INPP4B: variants seen among roughly 807,000 people sequenced by gnomAD.
INPP4B encodes inositol polyphosphate 4-phosphatase type II.
In INPP4B, 55 loss-of-function variants were observed where a neutral mutation model predicts 122.5. The observed-to-expected ratio is 0.45, with a 90% confidence interval of 0.36 to 0.56. INPP4B has a LOEUF of 0.56. INPP4B is among the 20% of genes least tolerant of loss of function. The probability of loss-of-function intolerance (pLI) is 0.00; values close to 1 mark genes in which losing one functional copy is unlikely to be tolerated. For synonymous variants in INPP4B, 403 were observed against 388.7 expected (o/e 1.04, Z -0.43); for missense variants, 1,000 against 1,097.7 (o/e 0.91, Z 1.26).
At chr4:142,824,507 A>G (rs1781213037) in intron 1 of INPP4B, among the ~76,000 whole-genome samples, 1 of 152,140 alleles carries the variant, frequency 6.6e-6, no homozygotes, top group Non-Finnish European at 1.5e-5. Context: ...ATAAGCAATT[A>G]CTTTAAAATT....
intron 2 of INPP4B, among the ~76,000 whole-genome samples, chr4:142,495,749 T>C (rs1023902468): frequency 1.3e-5 from 2 of 152,202 alleles, no homozygotes; most frequent in African/African-American, 4.8e-5. Flanking sequence ...AGGCTTTTGC[T>C]TTAGCACTTT....
rs2270657 is a variant in INPP4B at position 142,123,274 on chromosome 4, T to C, written c.2017+18A>G. The C allele has an allele frequency of 0.1, 162,069 of 1,564,388 alleles. 9,463 individuals are homozygous for C. The highest frequency in any genetic ancestry group is 0.23 in the East Asian group (10,027 of 43,814). On this transcript the variant is annotated intron_variant, in intron 20 of 25. Transcript: ENST00000262992. ...TGAATAGAAATGTGATTTTAACTTG[T>C]ACTAAAGCAATACTCACTGTATGTA...
chr4:142,072,807 A>G (rs574415548), intron 25 of INPP4B, among the ~76,000 whole-genome samples: 29 of 152,194 alleles, frequency 1.9e-4, no homozygotes, highest in African/African-American at 6.5e-4. Flanking sequence ...TGCTGGTGAA[A>G]TTATCACTAC....
At chr4:142,676,792 A>G (rs1757857100) in intron 2 of INPP4B, among the ~76,000 whole-genome samples, 2 of 152,204 alleles carry the variant, frequency 1.3e-5, no homozygotes, top group Admixed American at 1.3e-4. Context: ...AGCCATATGC[A>G]GAAAACTGAA....
intron 9 of INPP4B, among the ~76,000 whole-genome samples, chr4:142,277,400 C>T (rs533389157): frequency 1.3e-5 from 2 of 151,670 alleles, no homozygotes; most frequent in East Asian, 1.9e-4. Flanking sequence ...TAGGTGTTGA[C>T]GTGGTTGTGG....
intron 2 of INPP4B, among the ~76,000 whole-genome samples, chr4:142,631,210 G>T (rs1747876688): frequency 6.6e-6 from 1 of 151,996 alleles, no homozygotes; most frequent in South Asian, 2.1e-4. Context: ...GAGACAGAAG[G>T]ACAAGACTGG....
chr4:142,068,777 G>A (rs909176769), intron 25 of INPP4B, among the ~76,000 whole-genome samples: 1 of 152,178 alleles, frequency 6.6e-6, no homozygotes. Context: ...AACAAGAAGA[G>A]CTAACTATCT....
At chr4:142,365,594 CAT>C (rs1461123394) in intron 7 of INPP4B, among the ~76,000 whole-genome samples, 1 of 152,102 alleles carries the variant, frequency 6.6e-6, no homozygotes, top group Non-Finnish European at 1.5e-5. Context: ...TTATTTCAGA[CAT>C]GTGGCTACAT....
chr4:142,334,953 T>C (rs750931535), intron 7 of INPP4B, among the ~76,000 whole-genome samples: 3 of 152,072 alleles, frequency 2.0e-5, no homozygotes, highest in East Asian at 1.9e-4. Context: ...TACTTTTAAA[T>C]AGTGAAAGGA....
chr4:142,256,282 A>G (rs1287744300), intron 11 of INPP4B, among the ~76,000 whole-genome samples: 2 of 152,048 alleles, frequency 1.3e-5, no homozygotes, highest in East Asian at 3.9e-4. Flanking sequence ...CCCTAACATC[A>G]CAATTAAAAG....
intron 1 of INPP4B, among the ~76,000 whole-genome samples, chr4:142,762,298 T>A (rs1771459754): frequency 6.6e-6 from 1 of 151,928 alleles, no homozygotes; most frequent in Non-Finnish European, 1.5e-5. Context: ...CCACCTCACT[T>A]CTCTAACTGC....
intron 2 of INPP4B, among the ~76,000 whole-genome samples, chr4:142,532,350 T>C (rs1363970584): frequency 6.6e-6 from 1 of 152,158 alleles, no homozygotes; most frequent in Non-Finnish European, 1.5e-5. Flanking sequence ...GCTGTTTCTC[T>C]GCCGGGACAC....
intron 7 of INPP4B, among the ~76,000 whole-genome samples, chr4:142,346,704 A>T (rs906910496): frequency 6.6e-6 from 1 of 152,064 alleles, no homozygotes; most frequent in African/African-American, 2.4e-5. Context: ...AAAATAGATC[A>T]AATTAGGTAA....
At chr4:142,701,541 G>T (rs187859568) in intron 2 of INPP4B, among the ~76,000 whole-genome samples, 1 of 151,672 alleles carries the variant, frequency 6.6e-6, no homozygotes, top group African/African-American at 2.4e-5. Flanking sequence ...AAAGAAAAAG[G>T]GATTTGTCTT....
intron 2 of INPP4B, among the ~76,000 whole-genome samples, chr4:142,715,868 A>G (rs577532768): frequency 2.6e-5 from 4 of 152,184 alleles, no homozygotes; most frequent in Non-Finnish European, 4.4e-5. Context: ...AGCTGAGACC[A>G]TTTGAAGATT....
chr4:142,756,157 G>A (rs1199704535), intron 1 of INPP4B, among the ~76,000 whole-genome samples: 4 of 152,026 alleles, frequency 2.6e-5, no homozygotes, highest in African/African-American at 2.4e-5. Context: ...CAGAGATGAA[G>A]AGGAAAGAGC....
intron 23 of INPP4B, among the ~76,000 whole-genome samples, chr4:142,097,225 T>TTTTATGTTATTTTA (rs70949153): frequency 4.6e-4 from 63 of 135,556 alleles, no homozygotes; most frequent in South Asian, 9.4e-4. Context: ...TTTTATGTTA[T>TTTTATGTTATTTTA]TTTTATTTTA....
chr4:142,768,739 C>G (rs1772550093), intron 1 of INPP4B, among the ~76,000 whole-genome samples: 1 of 152,122 alleles, frequency 6.6e-6, no homozygotes, highest in African/African-American at 2.4e-5. Context: ...TTTTAGAGAA[C>G]AGCCAGGGGA....
At chr4:142,052,625 C>CT (rs1167765151) in intron 25 of INPP4B, among the ~76,000 whole-genome samples, 1 of 151,782 alleles carries the variant, frequency 6.6e-6, no homozygotes, top group Non-Finnish European at 1.5e-5. Context: ...AGATGTAAGC[C>CT]TTTTTTCCCA....
Sources: allele counts gnomAD v4.1 joint callset (sites outside exome capture counted in the v4.1 genomes callset), GRCh38; gene constraint gnomAD v4.1.1; transcripts MANE v1.5; gene names NCBI Gene and HGNC (gene_info 2026-07-23, HGNC 2026-07-21).